KDM2B: variants seen among roughly 807,000 people sequenced by gnomAD.
The protein encoded by KDM2B is lysine-specific demethylase 2B.
KDM2B carries 26 observed loss-of-function variants against 150.0 expected under a neutral mutation model. The observed-to-expected ratio is 0.17, with a 90% CI of 0.13 to 0.24. KDM2B has a LOEUF of 0.24. KDM2B is among the 10% of genes least tolerant of loss of function. The pLI is 1.00. For missense variants in KDM2B, 1,265 were observed against 1,816.9 expected (o/e 0.70, Z 5.52); for synonymous variants, 734 against 729.5 (o/e 1.01, Z -0.10).
rs535035085 is a variant in KDM2B at position 121,520,320 on chromosome 12, G to A, written c.1047+665C>T. ...CCTTTTCAGGGGACACTTGTGGAGC[G>A]AAGGACACACATCAGTTACCTAAGC... is the stretch of plus-strand genomic sequence containing the variant. On this transcript the variant is annotated intron_variant, in intron 9 of 22. Transcript: ENST00000377071. This position sits in a 1 kb window ranked among gnomAD's most constrained non-coding sequence, Gnocchi z 4.5. Among the ~76,000 whole-genome samples, 129 of 152,256 alleles carry A rather than the reference G, an allele frequency of 8.5e-4. 1 individual carries two copies. The highest frequency in any genetic ancestry group is 3.4e-3 in the Middle Eastern group (1 of 294).
rs1215641499 is a variant in KDM2B, at chr12:121,521,586, C to A, written c.932-486G>T. Among the ~76,000 whole-genome samples the A allele has an allele frequency of 6.6e-6, 1 of 152,210 alleles. No individual in the cohort carries two copies. The highest frequency in any genetic ancestry group is 1.5e-5 in the Non-Finnish European group (1 of 68,042). On this transcript the variant is annotated intron_variant, in intron 8 of 22. Transcript: ENST00000377071. This position sits in a 1 kb window ranked among gnomAD's most constrained non-coding sequence, Gnocchi z 4.9. Reference sequence around the variant, plus strand: ...TCTTGCCAGAGCTGCAGGACCCAAGCACTTTCCTCCGCCCAAGTCCATCTT... The same window carrying A: ...TCTTGCCAGAGCTGCAGGACCCAAGAACTTTCCTCCGCCCAAGTCCATCTT...
At chr12:121,480,582 CCAAAAAAAAA>C (rs1881987385) in intron 12 of KDM2B, among the ~76,000 whole-genome samples, 1 of 36,078 alleles carries the variant, frequency 2.8e-5, no homozygotes, top group African/African-American at 1.7e-4. Flanking sequence ...CCTGTCGCTA[CCAAAAAAAAA>C]AAAAAAAAAA....
chr12:121,542,267 G>A (rs1566397273), intron 6 of KDM2B, among the ~76,000 whole-genome samples: 1 of 152,178 alleles, frequency 6.6e-6, no homozygotes, highest in African/African-American at 2.4e-5. Context: ...TCTTGGAAGC[G>A]GATCTTCCAG....
intron 11 of KDM2B, among the ~76,000 whole-genome samples, chr12:121,502,053 C>T (rs1884617709): frequency 6.6e-6 from 1 of 152,156 alleles, no homozygotes; most frequent in South Asian, 2.1e-4. Context: ...GAACTGACGA[C>T]CTCAAGAGAA....
chr12:121,477,680 C>T (rs1555297027), intron 12 of KDM2B, among the ~76,000 whole-genome samples: 4 of 150,320 alleles, frequency 2.7e-5, no homozygotes, highest in African/African-American at 9.8e-5. Context: ...CGGGTTCAAG[C>T]GATTCTTGTG....
At chr12:121,426,973 G>A (rs1294702338), downstream of KDM2B, among the ~76,000 whole-genome samples, 1 of 152,126 alleles carries the variant, frequency 6.6e-6, no homozygotes, top group African/African-American at 2.4e-5. Flanking sequence ...ATATGGATAA[G>A]TCTGCAGTGG....
chr12:121,517,193 G>A (rs1286447870), intron 9 of KDM2B, among the ~76,000 whole-genome samples: 2 of 152,028 alleles, frequency 1.3e-5, no homozygotes, highest in Non-Finnish European at 2.9e-5. Flanking sequence ...ATATCCACTC[G>A]TTGCTGTCAC....
the KDM2B span, among the ~76,000 whole-genome samples, chr12:121,421,679 CT>C: frequency 6.6e-6 from 1 of 151,872 alleles, no homozygotes; most frequent in Non-Finnish European, 1.5e-5. Flanking sequence ...TTATTTTTTT[CT>C]TTTTAATTGT....
At chr12:121,546,379 CTTTT>C (rs371614406) in intron 6 of KDM2B, among the ~76,000 whole-genome samples, 1 of 97,478 alleles carries the variant, frequency 1.0e-5, no homozygotes, top group Non-Finnish European at 1.9e-5. Context: ...TTTTTTTTGC[CTTTT>C]TTTTTTTTTT....
At chr12:121,555,680 T>G (rs782805628) in intron 4 of KDM2B, among the ~76,000 whole-genome samples, 7 of 152,166 alleles carry the variant, frequency 4.6e-5, no homozygotes, top group Non-Finnish European at 1.0e-4. Flanking sequence ...GGCCAAAATT[T>G]TTTATAAGAA....
chr12:121,466,744 C>T (rs1186095872), intron 12 of KDM2B, among the ~76,000 whole-genome samples: 11 of 148,966 alleles, frequency 7.4e-5, no homozygotes, highest in East Asian at 1.9e-4. Flanking sequence ...GTGCCGGCGC[C>T]CGCGGGGTCC....
the KDM2B span, chr12:121,417,469 TATCTTGCTGTC>T: frequency 6.4e-7 from 1 of 1,569,182 alleles, no homozygotes; most frequent in Admixed American, 1.8e-5. This position sits in a 1 kb window ranked among gnomAD's most constrained non-coding sequence, Gnocchi z 5.0. Context: ...TAATGGTTTA[TATCTTGCTGTC>T]ATCAAATGCT....
chr12:121,553,290 C>T (rs1028411996), intron 4 of KDM2B, among the ~76,000 whole-genome samples: 4 of 151,904 alleles, frequency 2.6e-5, no homozygotes, highest in African/African-American at 9.7e-5. Context: ...TCTGGCCAGC[C>T]TCCCACCTCC....
At position 121,453,337 on chromosome 12, in the gene KDM2B, G is replaced by C. The variant is rs782669880; in HGVS notation, c.1742C>G (p.Ala581Gly). ...CAGCTTCCCCTTGGGCCGACCCACA[G>C]CCCGGTTCTGCAGGGGAACAGACAC... ...TWPKKTPKNR[A>G]VGRPKGKLGP... The change falls in exon 13 of 23, where the codon GCT (alanine) becomes GGT (glycine). Residue 581 changes from alanine to glycine, a missense_variant. By Grantham distance (60) the Ala-to-Gly change is moderately conservative. This residue lies in a region of KDM2B where 69 missense variants were observed against 85.7 expected (regional missense o/e 0.81). Transcript: ENST00000377071. This position sits in a 1 kb window ranked among gnomAD's most constrained non-coding sequence, Gnocchi z 6.4. The C allele has an allele frequency of 6.4e-7, 1 of 1,573,660 alleles. No individual in the cohort carries two copies. Among genetic ancestry groups the C allele is most frequent in the Non-Finnish European group, 8.6e-7 (1 of 1,159,224 alleles).
At chr12:121,499,286 CT>C (rs1185251331) in intron 11 of KDM2B, among the ~76,000 whole-genome samples, 515 of 137,106 alleles carry the variant, frequency 3.8e-3, no homozygotes, top group Middle Eastern at 7.3e-3. Context: ...ATTTTTGTAT[CT>C]TTTTTTTTTT....
intron 11 of KDM2B, among the ~76,000 whole-genome samples, chr12:121,500,330 C>T (rs782304506): frequency 1.3e-5 from 2 of 152,142 alleles, no homozygotes; most frequent in African/African-American, 2.4e-5. Flanking sequence ...CCGTCCCCTC[C>T]GAAAGTCCAG....
At chr12:121,427,398 T>C (rs1359575702), downstream of KDM2B, among the ~76,000 whole-genome samples, 1 of 152,030 alleles carries the variant, frequency 6.6e-6, no homozygotes, top group African/African-American at 2.4e-5. Flanking sequence ...AAAAGTTAAC[T>C]GGGCATGGTG....
At chr12:121,524,947 G>C (rs1357834891) in intron 8 of KDM2B, among the ~76,000 whole-genome samples, 3 of 152,106 alleles carry the variant, frequency 2.0e-5, no homozygotes, top group Admixed American at 1.3e-4. Flanking sequence ...CCCACAACCT[G>C]AGCGTCTGCT....
Position 121,430,441 on chromosome 12 carries a change from C to G in KDM2B, c.3858G>C (p.Leu1286=), listed in dbSNP as rs782428221. Reference sequence around the variant, plus strand: ...TGTTTCCACAGCGTTTGAAGAAGGACAGGCACTGATCAGTGACCTTATTGC... The same window carrying G: ...TGTTTCCACAGCGTTTGAAGAAGGAGAGGCACTGATCAGTGACCTTATTGC... ...SDCNKVTDQC[L]SFFKRCGNIC... Residue 1286 remains leucine (L), a synonymous_variant, in exon 23 of 23, where the codon CTG becomes CTC. Transcript: ENST00000377071. The surrounding 1 kb of genome is among the most constrained non-coding windows in gnomAD (Gnocchi z 4.4). 5.0e-6 allele frequency: 8 copies of G among 1,614,046 alleles called. No individual in the cohort carries two copies. In the South Asian group the frequency reaches 8.8e-5, roughly 18 times the overall value.
Sources: gnomAD v4.1 joint callset for allele counts (sites outside exome capture counted in the v4.1 genomes callset) on GRCh38, gnomAD v4.1.1 for gene constraint, gnomAD v4.1.1 regional missense constraint, Gnocchi (gnomAD v3.1) non-coding constraint, MANE v1.5 for transcripts, NCBI Gene and HGNC (gene_info 2026-07-23, HGNC 2026-07-21) for gene names.